CDH13: variants seen among roughly 807,000 people sequenced by gnomAD.
CDH13 encodes the protein cadherin 13.
In CDH13, 24 loss-of-function variants were observed where a neutral mutation model predicts 63.8. The ratio of observed to expected loss-of-function variants is 0.38; its 90% CI spans 0.27 to 0.53. The LOEUF (loss-of-function observed/expected upper bound fraction) is 0.53, where lower values mean the gene tolerates loss of function less well. Among genes scored for constraint, CDH13 ranks in the 20% least tolerant of loss-of-function variants. The pLI is 0.85. For synonymous variants in CDH13, 503 were observed against 355.3 expected (o/e 1.42, Z -4.67); for missense variants, 1,049 against 903.1 (o/e 1.16, Z -2.07).
chr16:83,580,500 C>G (rs1905481050), intron 7 of CDH13, among the ~76,000 whole-genome samples: 1 of 107,096 alleles, frequency 9.3e-6, no homozygotes, highest in Non-Finnish European at 1.9e-5. Flanking sequence ...CTCTCTCTCT[C>G]TCTCTCTAAG....
intron 1 of CDH13, among the ~76,000 whole-genome samples, chr16:82,778,098 G>A (rs2035581734): frequency 6.6e-6 from 1 of 152,214 alleles, no homozygotes; most frequent in African/African-American, 2.4e-5. Context: ...ATGCATATGA[G>A]GAGGCAGGGT....
chr16:83,778,041 G>C (rs1915242829), intron 11 of CDH13, among the ~76,000 whole-genome samples: 1 of 152,096 alleles, frequency 6.6e-6, no homozygotes, highest in Admixed American at 6.5e-5. Flanking sequence ...AATTATTTTG[G>C]GAATAAGGCA....
At chr16:82,851,094 G>C (rs1159641509) in intron 1 of CDH13, among the ~76,000 whole-genome samples, 1 of 152,136 alleles carries the variant, frequency 6.6e-6, no homozygotes, top group African/African-American at 2.4e-5. Context: ...ATGTTGGGTA[G>C]CATCTTTTAG....
intron 4 of CDH13, among the ~76,000 whole-genome samples, chr16:83,150,749 A>G (rs1451561326): frequency 6.6e-6 from 1 of 152,206 alleles, no homozygotes; most frequent in East Asian, 1.9e-4. Context: ...TGTAAGACAG[A>G]TTTCCAAAAC....
intron 5 of CDH13, among the ~76,000 whole-genome samples, chr16:83,276,394 C>G (rs547133720): frequency 6.6e-6 from 1 of 152,250 alleles, no homozygotes; most frequent in South Asian, 2.1e-4. Context: ...ATATGACTTG[C>G]AAGCACCTTG....
intron 8 of CDH13, among the ~76,000 whole-genome samples, chr16:83,635,559 G>C (rs8059466): frequency 6.6e-6 from 1 of 151,772 alleles, no homozygotes; most frequent in Non-Finnish European, 1.5e-5. Flanking sequence ...GGCCAGGCTG[G>C]TCTCGAACTC....
intron 2 of CDH13, among the ~76,000 whole-genome samples, chr16:82,960,751 A>G (rs1220143550): frequency 6.6e-6 from 1 of 152,160 alleles, no homozygotes; most frequent in Non-Finnish European, 1.5e-5. Flanking sequence ...ACTTCTTTGT[A>G]TAAGGACGTC....
At chr16:82,963,943 C>T (rs1372846356) in intron 2 of CDH13, among the ~76,000 whole-genome samples, 3 of 152,194 alleles carry the variant, frequency 2.0e-5, no homozygotes, top group East Asian at 1.9e-4. Flanking sequence ...AGCAGTGCAA[C>T]ATCAGTGACT....
intron 6 of CDH13, among the ~76,000 whole-genome samples, chr16:83,400,587 T>C (rs2091953502): frequency 6.6e-6 from 1 of 152,224 alleles, no homozygotes; most frequent in Non-Finnish European, 1.5e-5. Flanking sequence ...CCATTGAAAG[T>C]AATGTCAGTT....
intron 7 of CDH13, among the ~76,000 whole-genome samples, chr16:83,589,360 T>C (rs1474175505): frequency 6.6e-5 from 9 of 136,036 alleles, no homozygotes. Flanking sequence ...CTCCCTCCCT[T>C]GCCCTCTCCC....
At chr16:82,910,477 A>G (rs1233225769) in intron 2 of CDH13, among the ~76,000 whole-genome samples, 1 of 152,170 alleles carries the variant, frequency 6.6e-6, no homozygotes, top group South Asian at 2.1e-4. Flanking sequence ...TTATTTATTC[A>G]TGTTTTATTA....
chr16:83,434,047 C>G (rs1326103410), intron 6 of CDH13, among the ~76,000 whole-genome samples: 1 of 152,064 alleles, frequency 6.6e-6, no homozygotes, highest in East Asian at 1.9e-4. Context: ...TGAGAGGTTT[C>G]CCAGAAGTGC....
intron 8 of CDH13, among the ~76,000 whole-genome samples, chr16:83,620,110 G>T (rs965948317): frequency 1.8e-4 from 28 of 151,870 alleles, no homozygotes; most frequent in Admixed American, 5.3e-4. Context: ...ATAGGGAGGG[G>T]GGCCGGGCTC....
intron 8 of CDH13, among the ~76,000 whole-genome samples, chr16:83,619,533 T>C (rs1598378590): frequency 6.6e-6 from 1 of 152,198 alleles, no homozygotes; most frequent in Non-Finnish European, 1.5e-5. Context: ...GTTGGTTCCT[T>C]TGGAGGCTGG....
intron 3 of CDH13, among the ~76,000 whole-genome samples, chr16:83,064,998 C>G (rs947785074): frequency 2.0e-5 from 3 of 152,144 alleles, no homozygotes; most frequent in African/African-American, 7.2e-5. Flanking sequence ...TAAAAAAAAT[C>G]TCCCCAGTCC....
At chr16:83,191,366 G>A (rs541736930) in intron 4 of CDH13, among the ~76,000 whole-genome samples, 2 of 147,014 alleles carry the variant, frequency 1.4e-5, no homozygotes, top group East Asian at 2.0e-4. Flanking sequence ...TCTGTAAAGG[G>A]AGGATAATAG....
At chr16:82,801,449 C>A (rs1387578769) in intron 1 of CDH13, among the ~76,000 whole-genome samples, 1 of 152,210 alleles carries the variant, frequency 6.6e-6, no homozygotes, top group African/African-American at 2.4e-5. Flanking sequence ...TGCAATCATT[C>A]AGGAACATCT....
At chr16:83,644,978 A>C (rs1468119404) in intron 8 of CDH13, among the ~76,000 whole-genome samples, 4 of 152,150 alleles carry the variant, frequency 2.6e-5, no homozygotes, top group African/African-American at 9.7e-5. Flanking sequence ...TTGGACTTCA[A>C]ACCTACAAGC....
At chr16:82,971,529 G>C (rs567462314) in intron 2 of CDH13, among the ~76,000 whole-genome samples, 1 of 152,194 alleles carries the variant, frequency 6.6e-6, no homozygotes, top group Non-Finnish European at 1.5e-5. Context: ...CGAAGAATAG[G>C]CATCTAACCC....
Sources: gnomAD v4.1 joint callset for allele counts (sites outside exome capture counted in the v4.1 genomes callset) on GRCh38, gnomAD v4.1.1 for gene constraint, MANE v1.5 for transcripts, NCBI Gene and HGNC (gene_info 2026-07-23, HGNC 2026-07-21) for gene names.